Variants in ITGB5 observed in about 807,000 individuals in gnomAD.
ITGB5 encodes integrin beta-5.
ITGB5 carries 38 observed loss-of-function variants against 84.8 expected under a neutral mutation model. The observed-to-expected ratio is 0.45, with a 90% CI of 0.35 to 0.59. ITGB5 has a LOEUF of 0.59. Among genes scored for constraint, ITGB5 ranks in the 20% least tolerant of loss-of-function variants. ITGB5 has a pLI of 0.01. For synonymous variants in ITGB5, 393 were observed against 414.4 expected (o/e 0.95, Z 0.63); for missense variants, 905 against 1,034.5 (o/e 0.87, Z 1.72).
chr3:124,872,297 T>C (rs1366218348), intron 2 of ITGB5, among the ~76,000 whole-genome samples: 1 of 152,174 alleles, frequency 6.6e-6, no homozygotes, highest in African/African-American at 2.4e-5. Context: ...AACCCCAGCT[T>C]TGGCACACTT....
chr3:124,800,223 C>T (rs1042525858), intron 9 of ITGB5, among the ~76,000 whole-genome samples: 13 of 152,112 alleles, frequency 8.5e-5, no homozygotes, highest in South Asian at 2.1e-4. Context: ...GAGGCATCTG[C>T]GGGTCAGAAA....
chr3:124,817,256 T>A (rs1404047641), intron 8 of ITGB5, among the ~76,000 whole-genome samples: 1 of 152,110 alleles, frequency 6.6e-6, no homozygotes, highest in Non-Finnish European at 1.5e-5. Flanking sequence ...AGGCAGAGAA[T>A]ACGGTGGCAG....
At chr3:124,829,623 C>T (rs965629804) in intron 5 of ITGB5, among the ~76,000 whole-genome samples, 2 of 152,190 alleles carry the variant, frequency 1.3e-5, no homozygotes, top group Non-Finnish European at 2.9e-5. Flanking sequence ...CTCTCCTCTC[C>T]GTCTGAAACA....
At position 124,809,169 on chromosome 3, in the gene ITGB5, A is replaced by G; in HGVS notation, c.1129-13T>C. On this transcript the variant is annotated splice_polypyrimidine_tract_variant and intron_variant, in intron 8 of 14. Coordinates refer to ENST00000296181, the MANE Select transcript of ITGB5 (RefSeq NM_002213.5). ...TAGACCGGATACTCTGAATGGAGAG[A>G]GAAAATGAAGCCCAACCATTTAATA... The G allele has an allele frequency of 6.2e-7, 1 of 1,613,808 alleles. No homozygotes were observed.
In ITGB5 at chr3:124,870,742, A is replaced by T. The variant is rs376796386; in HGVS notation, c.156+2704T>A. Among the ~76,000 whole-genome samples the T allele has an allele frequency of 9.9e-5, 11 of 111,094 alleles. No individual in the cohort carries two copies. The East Asian group carries it at 2.5e-3, about 25-fold the overall frequency. 72.9% of individuals were successfully genotyped at this position (111,094 alleles called of 152,430 possible). On this transcript the variant is annotated intron_variant, in intron 2 of 14. Coordinates refer to ENST00000296181, the MANE Select transcript of ITGB5 (RefSeq NM_002213.5). ...CCCCATCTCAAAAGAAAAAAAAAAA[A>T]AAAAACCCCAGTGGAGGGAGCTTAC...
upstream of ITGB5, among the ~76,000 whole-genome samples, chr3:124,889,843 G>T (rs957431036): frequency 6.6e-6 from 1 of 152,142 alleles, no homozygotes; most frequent in African/African-American, 2.4e-5. Context: ...GCGAAACCCT[G>T]TCTCTTAAAA....
intron 3 of ITGB5, among the ~76,000 whole-genome samples, chr3:124,858,822 G>A (rs1363426372): frequency 6.6e-6 from 1 of 152,136 alleles, no homozygotes; most frequent in Admixed American, 6.5e-5. Context: ...AAAGTAGAAT[G>A]CTGGTTACCA....
chr3:124,771,709 T>C (rs1315814627), intron 11 of ITGB5, among the ~76,000 whole-genome samples: 2 of 144,090 alleles, frequency 1.4e-5, no homozygotes, highest in South Asian at 2.2e-4. Flanking sequence ...GATGGTGCCA[T>C]TGCACTCCAG....
At chr3:124,778,381 T>A (rs1182017056) in intron 10 of ITGB5, among the ~76,000 whole-genome samples, 1 of 152,232 alleles carries the variant, frequency 6.6e-6, no homozygotes, top group African/African-American at 2.4e-5. Flanking sequence ...CACAGCCTCT[T>A]GCCTCCTCTT....
At chr3:124,780,980 G>T (rs1211106426) in intron 10 of ITGB5, among the ~76,000 whole-genome samples, 1 of 152,194 alleles carries the variant, frequency 6.6e-6, no homozygotes, top group African/African-American at 2.4e-5. Context: ...TCCATCAACT[G>T]TCGTAGGCAG....
chr3:124,765,635 A>C (rs923024015), intron 13 of ITGB5, among the ~76,000 whole-genome samples: 1 of 152,172 alleles, frequency 6.6e-6, no homozygotes, highest in East Asian at 1.9e-4. Context: ...CTATCCTTCT[A>C]TAACTCCCAT....
intron 10 of ITGB5, among the ~76,000 whole-genome samples, chr3:124,789,373 C>T (rs556324232): frequency 1.6e-3 from 239 of 149,734 alleles, no homozygotes; most frequent in African/African-American, 5.6e-3. Context: ...TTTAACTAGA[C>T]AGGGTTAACA....
intron 7 of ITGB5, among the ~76,000 whole-genome samples, chr3:124,818,508 T>C (rs1301796469): frequency 1.1e-5 from 1 of 88,042 alleles, no homozygotes; most frequent in Non-Finnish European, 2.2e-5. Flanking sequence ...TAGGCTTTTT[T>C]TTTTTTTTTT....
chr3:124,900,868 T>C (rs972633589), intron 1 of ITGB5, among the ~76,000 whole-genome samples: 2 of 152,234 alleles, frequency 1.3e-5, no homozygotes, highest in African/African-American at 4.8e-5. Context: ...TGAACAATTG[T>C]ACCAAACTTT....
At chr3:124,800,484 C>T (rs1559940174) in intron 9 of ITGB5, among the ~76,000 whole-genome samples, 2 of 152,224 alleles carry the variant, frequency 1.3e-5, no homozygotes, top group African/African-American at 4.8e-5. Flanking sequence ...TGGGCACTGT[C>T]TGCCCAGCTG....
At position 124,846,793 on chromosome 3, in the gene ITGB5, G is replaced by A. The variant is rs145631286; in HGVS notation, c.611+1516C>T. Among the ~76,000 whole-genome samples the A allele has an allele frequency of 1.9e-3, 282 of 152,262 alleles. 2 individuals are homozygous for A. Among genetic ancestry groups the A allele is most frequent in the African/African-American group, 6.5e-3 (271 of 41,552 alleles). On this transcript the variant is annotated intron_variant, in intron 4 of 14. Transcript: ENST00000296181. Reference sequence around the variant, plus strand: ...TACTAAAAATACAAAAATCAGCCAGGTGTGGTGGCAGGCACCTATAATCTC... The same window carrying A: ...TACTAAAAATACAAAAATCAGCCAGATGTGGTGGCAGGCACCTATAATCTC...
At chr3:124,778,609 C>T (rs372910982) in intron 10 of ITGB5, among the ~76,000 whole-genome samples, 46 of 152,254 alleles carry the variant, frequency 3.0e-4, no homozygotes, top group Non-Finnish European at 4.3e-4. Context: ...TGACAGTGAG[C>T]GTAGGGGACT....
chr3:124,773,000 G>C (rs2063869938), intron 11 of ITGB5, among the ~76,000 whole-genome samples: 1 of 147,792 alleles, frequency 6.8e-6, no homozygotes, highest in African/African-American at 2.5e-5. Flanking sequence ...CCGCCTCCCA[G>C]GTTCAAGCCA....
At chr3:124,862,211 G>A (rs1233636943) in intron 2 of ITGB5, 2 of 152,276 alleles carry the variant, frequency 1.3e-5, no homozygotes, top group Non-Finnish European at 2.9e-5. Context: ...AGGTGCACCT[G>A]TTTTGATCAG....
Sources: gnomAD v4.1 joint callset for allele counts (sites outside exome capture counted in the v4.1 genomes callset) on GRCh38, gnomAD v4.1.1 for gene constraint, MANE v1.5 for transcripts, NCBI Gene and HGNC (gene_info 2026-07-23, HGNC 2026-07-21) for gene names.